AOPEP: variants seen among roughly 807,000 people sequenced by gnomAD.
AOPEP encodes aminopeptidase O (putative), also known as aminopeptidase O.
In AOPEP, 77 loss-of-function variants were observed where a neutral mutation model predicts 98.1. The ratio of observed to expected loss-of-function variants is 0.78; its 90% CI spans 0.65 to 0.95. The LOEUF is 0.95. Ranked by LOEUF, AOPEP falls within the 40% of genes least tolerant of loss-of-function variation. The probability of loss-of-function intolerance (pLI) is 0.00; values close to 1 mark genes in which losing one functional copy is unlikely to be tolerated. For missense variants in AOPEP, 1,024 were observed against 1,024.7 expected (o/e 1.00, Z 0.01); for synonymous variants, 346 against 365.3 (o/e 0.95, Z 0.60).
At chr9:94,944,237 T>C (rs760372742) in intron 7 of AOPEP, among the ~76,000 whole-genome samples, 1 of 152,036 alleles carries the variant, frequency 6.6e-6, no homozygotes, top group Admixed American at 6.6e-5. Context: ...AACCCTGCAA[T>C]TCCATTCCTA....
intron 5 of AOPEP, among the ~76,000 whole-genome samples, chr9:94,870,280 G>A (rs2046199909): frequency 1.3e-5 from 2 of 152,036 alleles, no homozygotes; most frequent in African/African-American, 2.4e-5. Flanking sequence ...GTGAGCCACC[G>A]CGCCCAGCTG....
chr9:94,986,657 C>G lies in AOPEP; in HGVS notation c.1977+7230C>G, dbSNP rs140686393. On this transcript the variant is annotated intron_variant, in intron 11 of 16. Coordinates refer to ENST00000375315, the MANE Select transcript of AOPEP (RefSeq NM_001193329.3). Reference sequence around the variant, plus strand: ...ATAAATGTGGGAAGGGTCCATTCCCCCAGAAAGTGGTAATAGCTGAAGGTC... The same window carrying G: ...ATAAATGTGGGAAGGGTCCATTCCCGCAGAAAGTGGTAATAGCTGAAGGTC... 6.4e-4 allele frequency among the ~76,000 whole-genome samples: 98 copies of G among 152,220 alleles called. No homozygotes were observed. The Middle Eastern group carries it at 0.014, about 21-fold the overall frequency.
At chr9:95,032,626 C>T (rs1383315346) in intron 13 of AOPEP, among the ~76,000 whole-genome samples, 1 of 152,200 alleles carries the variant, frequency 6.6e-6, no homozygotes, top group Non-Finnish European at 1.5e-5. Flanking sequence ...CCAGGCTACT[C>T]TGCTCTAGGC....
intron 7 of AOPEP, among the ~76,000 whole-genome samples, chr9:94,950,385 G>C (rs768495276): frequency 6.6e-6 from 1 of 152,166 alleles, no homozygotes; most frequent in Non-Finnish European, 1.5e-5. Context: ...GACTCTTACT[G>C]TCACCTTTTC....
chr9:94,817,284 C>T (rs1462145559), intron 5 of AOPEP, among the ~76,000 whole-genome samples: 2 of 152,198 alleles, frequency 1.3e-5, no homozygotes, highest in South Asian at 2.1e-4. Flanking sequence ...GGATTATAGG[C>T]GTGAACCACC....
chr9:94,907,391 A>G (rs2183958), intron 5 of AOPEP, among the ~76,000 whole-genome samples: 51,355 of 151,962 alleles, frequency 0.34, 9,701 homozygotes, highest in Non-Finnish European at 0.43. Flanking sequence ...GATCAAGTGC[A>G]GCTGCCATGT....
In AOPEP at chr9:95,064,665, A is replaced by G. The variant is rs539459520; in HGVS notation, c.2232+3855A>G. Among the ~76,000 whole-genome samples the G allele has an allele frequency of 8.5e-5, 13 of 152,338 alleles. No homozygotes were observed. In the South Asian group the frequency reaches 2.7e-3, roughly 32 times the overall value. ...TCCACAAGCTGGTATTTATCTTAATATGCTGTTACTAATACATTGTTTACT... is the reference window on the plus strand; with the variant it reads ...TCCACAAGCTGGTATTTATCTTAATGTGCTGTTACTAATACATTGTTTACT... On this transcript the variant is annotated intron_variant, in intron 14 of 16. Transcript: ENST00000375315.
rs72750323 is a variant in AOPEP at position 94,941,013 on chromosome 9, G to A, written c.1661+12482G>A. 2.3e-3 allele frequency among the ~76,000 whole-genome samples: 345 copies of A among 152,308 alleles called. 1 individual carries two copies. Among genetic ancestry groups the A allele is most frequent in the Non-Finnish European group, 4.2e-3 (285 of 68,026 alleles). On this transcript the variant is annotated intron_variant, in intron 7 of 16. Transcript: ENST00000375315. ...ATGTTAAAAAAAAAAGTGCAAGAAT[G>A]CCTGGTTACAAATGTAGAGCACAGG...
At chr9:95,046,863 T>TAGAC (rs1406984766) in intron 13 of AOPEP, among the ~76,000 whole-genome samples, 1 of 152,224 alleles carries the variant, frequency 6.6e-6, no homozygotes, top group Non-Finnish European at 1.5e-5. Context: ...TAAGTTAAGG[T>TAGAC]AGACATATTA....
At chr9:95,038,750 ATCT>A (rs1236165354) in intron 13 of AOPEP, among the ~76,000 whole-genome samples, 3 of 152,168 alleles carry the variant, frequency 2.0e-5, no homozygotes, top group Admixed American at 6.5e-5. Flanking sequence ...GAAGTTGTAC[ATCT>A]TCTTATTGCT....
chr9:94,736,189 A>G (rs1273644374), intron 1 of AOPEP, among the ~76,000 whole-genome samples: 1 of 152,172 alleles, frequency 6.6e-6, no homozygotes, highest in Non-Finnish European at 1.5e-5. Context: ...GGATTCCTAT[A>G]GGAAGTGGGG....
chr9:94,737,793 TC>T (rs1195620565), intron 1 of AOPEP, among the ~76,000 whole-genome samples: 2 of 152,192 alleles, frequency 1.3e-5, no homozygotes, highest in Non-Finnish European at 2.9e-5. Flanking sequence ...GTGGTGAATA[TC>T]CGTATTTGGT....
the AOPEP span, among the ~76,000 whole-genome samples, chr9:95,130,307 A>T: frequency 6.6e-6 from 1 of 151,886 alleles, no homozygotes; most frequent in Non-Finnish European, 1.5e-5. Context: ...TGTGAGAGAG[A>T]GAGAGAGAGA....
chr9:95,123,268 C>T, the AOPEP span: 1 of 279,396 alleles, frequency 3.6e-6, no homozygotes, highest in Admixed American at 5.0e-5. Context: ...CATACCACTG[C>T]ACTCCAGCCT....
intron 14 of AOPEP, among the ~76,000 whole-genome samples, chr9:95,073,477 G>A (rs975476662): frequency 1.3e-5 from 2 of 151,982 alleles, no homozygotes; most frequent in Admixed American, 6.6e-5. Flanking sequence ...AGGCCGGCGC[G>A]GTGGCTCCCG....
intron 13 of AOPEP, among the ~76,000 whole-genome samples, chr9:95,041,481 G>GTGTGTGTGTGTGTGTGTGTGTGT (rs1554813290): frequency 6.7e-6 from 1 of 150,282 alleles, no homozygotes; most frequent in Non-Finnish European, 1.5e-5. Flanking sequence ...GTGTGTGTGT[G>GTGTGTGTGTGTGTGTGTGTGTGT]GAGAGGGAGA....
chr9:94,863,896 C>G (rs1456790051), intron 5 of AOPEP, among the ~76,000 whole-genome samples: 1 of 152,168 alleles, frequency 6.6e-6, no homozygotes, highest in Non-Finnish European at 1.5e-5. Flanking sequence ...CTGCAGAATA[C>G]TTTCGCTTGC....
At chr9:94,830,599 T>G (rs1276088764) in intron 5 of AOPEP, among the ~76,000 whole-genome samples, 1 of 152,268 alleles carries the variant, frequency 6.6e-6, no homozygotes, top group South Asian at 2.1e-4. Flanking sequence ...GAATGGTATT[T>G]CTGCTTCTGG....
At chr9:94,821,970 AACACACACACACACAC>A (rs34645632) in intron 5 of AOPEP, among the ~76,000 whole-genome samples, 18 of 141,464 alleles carry the variant, frequency 1.3e-4, no homozygotes, top group African/African-American at 3.1e-4. Context: ...TGTGTGTGTA[AACACACACACACACAC>A]ACACACACAC....
Sources: allele counts gnomAD v4.1 joint callset (sites outside exome capture counted in the v4.1 genomes callset), GRCh38; gene constraint gnomAD v4.1.1; transcripts MANE v1.5; gene names NCBI Gene and HGNC (gene_info 2026-07-23, HGNC 2026-07-21).